GRID2: variants seen among roughly 807,000 people sequenced by gnomAD.
The protein encoded by GRID2 is glutamate ionotropic receptor delta type subunit 2, also known as glutamate receptor ionotropic, delta-2.
GRID2 carries 33 observed loss-of-function variants against 114.8 expected under a neutral mutation model. That is an observed-to-expected ratio of 0.29 (90% confidence interval 0.22 to 0.38). The LOEUF (loss-of-function observed/expected upper bound fraction) is 0.38, where lower values mean the gene tolerates loss of function less well. Ranked by LOEUF, GRID2 falls within the 10% of genes least tolerant of loss-of-function variation. GRID2 has a pLI of 1.00. For synonymous variants in GRID2, 505 were observed against 449.9 expected (o/e 1.12, Z -1.55); for missense variants, 1,184 against 1,257.7 (o/e 0.94, Z 0.89).
intron 2 of GRID2, among the ~76,000 whole-genome samples, chr4:92,622,940 C>T (rs1330436164): frequency 6.6e-6 from 1 of 151,640 alleles, no homozygotes; most frequent in East Asian, 1.9e-4. Flanking sequence ...AACAAGCAGG[C>T]CCATGCTAGG....
chr4:93,271,382 G>A (rs1446613935), intron 8 of GRID2, among the ~76,000 whole-genome samples: 1 of 152,152 alleles, frequency 6.6e-6, no homozygotes, highest in African/African-American at 2.4e-5. Context: ...GAACAATGAA[G>A]GGGTTTTCCT....
At chr4:93,528,387 T>G (rs950474059) in intron 13 of GRID2, among the ~76,000 whole-genome samples, 2 of 151,956 alleles carry the variant, frequency 1.3e-5, no homozygotes, top group South Asian at 2.1e-4. Flanking sequence ...CCATTTTACC[T>G]TCACACAAAT....
At chr4:92,546,110 T>C (rs1247625334) in intron 1 of GRID2, among the ~76,000 whole-genome samples, 1 of 152,182 alleles carries the variant, frequency 6.6e-6, no homozygotes, top group Non-Finnish European at 1.5e-5. Context: ...ATCCTCTTTA[T>C]TTATCTGGCA....
chr4:93,535,027 C>G (rs1331594358), intron 13 of GRID2, among the ~76,000 whole-genome samples: 1 of 151,932 alleles, frequency 6.6e-6, no homozygotes, highest in Non-Finnish European at 1.5e-5. Flanking sequence ...TTCCTCACCT[C>G]CACCCCAGGC....
At chr4:93,309,291 T>C (rs1305565889) in intron 8 of GRID2, among the ~76,000 whole-genome samples, 6 of 152,102 alleles carry the variant, frequency 3.9e-5, no homozygotes, top group African/African-American at 1.2e-4. Flanking sequence ...TCCCAACACT[T>C]TGGGAGGCCA....
intron 1 of GRID2, among the ~76,000 whole-genome samples, chr4:92,541,583 A>G (rs766977806): frequency 1.3e-5 from 2 of 152,120 alleles, no homozygotes; most frequent in Non-Finnish European, 2.9e-5. Context: ...TATCAAAATG[A>G]GGATTAATAC....
At chr4:92,806,274 C>T (rs547229132) in intron 2 of GRID2, among the ~76,000 whole-genome samples, 5 of 149,554 alleles carry the variant, frequency 3.3e-5, no homozygotes, top group Middle Eastern at 3.5e-3. Context: ...CTTAGGATAC[C>T]GAAAGAAGGA....
At position 93,422,684 on chromosome 4, in the gene GRID2, A is replaced by G. The variant is rs558027088; in HGVS notation, c.1348-87A>G. ...TTTCAAAGTATAAAACAATTTTTAG[A>G]TTTAATCAAAACTCTTTAAAGAATT... On this transcript the variant is annotated intron_variant, in intron 9 of 15. Coordinates refer to ENST00000282020, the MANE Select transcript of GRID2 (RefSeq NM_001510.4). 3.7e-6 allele frequency: 3 copies of G among 807,198 alleles called. No homozygotes were observed. In the East Asian group the frequency reaches 7.8e-5, roughly 21 times the overall value. The allele number at this position is 807,198 out of a possible 1,614,324, so 50.0% of individuals were successfully genotyped here.
chr4:93,266,912 C>G (rs1054608618), intron 8 of GRID2, among the ~76,000 whole-genome samples: 1 of 152,078 alleles, frequency 6.6e-6, no homozygotes, highest in African/African-American at 2.4e-5. Context: ...GTGTACTCAT[C>G]ACGTAATTTC....
chr4:92,894,904 G>A (rs1747050348), intron 2 of GRID2, among the ~76,000 whole-genome samples: 1 of 151,958 alleles, frequency 6.6e-6, no homozygotes, highest in Non-Finnish European at 1.5e-5. Context: ...GGCAGGTCAA[G>A]GGGAGTTCTT....
chr4:92,373,842 C>T (rs1302250517), intron 1 of GRID2, among the ~76,000 whole-genome samples: 2 of 152,000 alleles, frequency 1.3e-5, no homozygotes, highest in Non-Finnish European at 2.9e-5. Flanking sequence ...ATTAATATCT[C>T]CATTTTATAA....
At chr4:92,759,461 C>G (rs923415322) in intron 2 of GRID2, among the ~76,000 whole-genome samples, 1 of 152,206 alleles carries the variant, frequency 6.6e-6, no homozygotes, top group East Asian at 1.9e-4. Context: ...CCCCCCAATA[C>G]TTTTCATTCA....
chr4:92,493,690 A>C lies in GRID2; in HGVS notation c.89-96441A>C, dbSNP rs1723255487. ...ATTGACTCCCGTTGGCCTTAGGATA[A>C]AGCGTGATTGCCATGGCTAAACGCT... is the stretch of plus-strand genomic sequence containing the variant. On this transcript the variant is annotated intron_variant, in intron 1 of 15. Transcript: ENST00000282020. Among the ~76,000 whole-genome samples the C allele has an allele frequency of 1.3e-5, 2 of 152,286 alleles. 1 individual carries two copies. The highest frequency in any genetic ancestry group is 4.1e-4 in the South Asian group (2 of 4,826).
chr4:93,152,751 A>C (rs553166720), intron 4 of GRID2, among the ~76,000 whole-genome samples: 2 of 152,134 alleles, frequency 1.3e-5, no homozygotes, highest in African/African-American at 4.8e-5. Flanking sequence ...AAGTCTAATC[A>C]GATGTTTAGG....
At chr4:93,507,736 C>T (rs1728764333) in intron 12 of GRID2, among the ~76,000 whole-genome samples, 1 of 152,164 alleles carries the variant, frequency 6.6e-6, no homozygotes, top group Non-Finnish European at 1.5e-5. Flanking sequence ...TGTACCAGGT[C>T]CTATGTCTAC....
chr4:92,662,863 T>C (rs1166740999), intron 2 of GRID2, among the ~76,000 whole-genome samples: 1 of 151,178 alleles, frequency 6.6e-6, no homozygotes, highest in Non-Finnish European at 1.5e-5. Flanking sequence ...TATACTATAT[T>C]ATTTAATAAA....
intron 2 of GRID2, among the ~76,000 whole-genome samples, chr4:93,067,439 AAGG>A (rs1303539460): frequency 6.6e-6 from 1 of 152,004 alleles, no homozygotes; most frequent in Non-Finnish European, 1.5e-5. Flanking sequence ...GTTATGGTGG[AAGG>A]AGAAGGAAGC....
chr4:92,618,522 G>T (rs7669339), intron 2 of GRID2, among the ~76,000 whole-genome samples: 2,360 of 151,784 alleles, frequency 0.016, 54 homozygotes, highest in African/African-American at 0.054. Context: ...AAAGTTTAGA[G>T]ATTTTTTTCC....
intron 14 of GRID2, among the ~76,000 whole-genome samples, chr4:93,764,437 G>A (rs1221504163): frequency 3.3e-5 from 5 of 152,188 alleles, no homozygotes; most frequent in South Asian, 4.1e-4. Flanking sequence ...AGTATGTACC[G>A]GAACAGGTCC....
Sources: allele counts gnomAD v4.1 joint callset (sites outside exome capture counted in the v4.1 genomes callset), GRCh38; gene constraint gnomAD v4.1.1; transcripts MANE v1.5; gene names NCBI Gene and HGNC (gene_info 2026-07-23, HGNC 2026-07-21).